PTGR1: variants seen among roughly 807,000 people sequenced by gnomAD.
The protein encoded by PTGR1 is prostaglandin reductase 1, also known as 15-oxoprostaglandin 13-reductase.
In PTGR1, 23 loss-of-function variants were observed where a neutral mutation model predicts 37.7. That is an observed-to-expected ratio of 0.61 (90% CI 0.44 to 0.86). The LOEUF is 0.86. PTGR1 is among the 40% of genes least tolerant of loss of function. The pLI is 0.00. For synonymous variants in PTGR1, 134 were observed against 140.0 expected (o/e 0.96, Z 0.30); for missense variants, 351 against 394.3 (o/e 0.89, Z 0.93).
chr9:111,554,499 G>A (rs76747252), intron 9 of PTGR1, among the ~76,000 whole-genome samples: 10,866 of 152,210 alleles, frequency 0.071, 485 homozygotes, highest in East Asian at 0.15. Flanking sequence ...ATCCATGGGG[G>A]ATATGCTCCA....
At chr9:111,552,310 A>T (rs1827990848) in intron 9 of PTGR1, among the ~76,000 whole-genome samples, 1 of 152,194 alleles carries the variant, frequency 6.6e-6, no homozygotes, top group African/African-American at 2.4e-5. Flanking sequence ...AGTTTCATAA[A>T]CTGTCAACAT....
At chr9:111,558,223 CATGGT>C (rs547051641), downstream of PTGR1, among the ~76,000 whole-genome samples, 3 of 152,214 alleles carry the variant, frequency 2.0e-5, no homozygotes, top group Non-Finnish European at 4.4e-5. Flanking sequence ...AGTACGGACT[CATGGT>C]TTCCCTTTTT....
chr9:111,574,636 T>C, intron 8 of PTGR1, 98 bp downstream of exon 8: 1 of 772,868 alleles, frequency 1.3e-6, no homozygotes, highest in Non-Finnish European at 2.0e-6. Context: ...TATGAAAATC[T>C]TTCTAATAAT....
At chr9:111,583,870 AAT>A (rs1465711686) in intron 5 of PTGR1, among the ~76,000 whole-genome samples, 1 of 152,194 alleles carries the variant, frequency 6.6e-6, no homozygotes, top group Non-Finnish European at 1.5e-5. Context: ...CAAAAGATGG[AAT>A]ATCTTTCTCA....
intron 7 of PTGR1, chr9:111,577,283 T>C (rs1180333384): frequency 6.6e-6 from 1 of 152,032 alleles, no homozygotes; most frequent in Non-Finnish European, 1.5e-5. Flanking sequence ...CCTACTAGGA[T>C]GGTTATAATA....
chr9:111,560,683 C>T (rs1234363975), downstream of PTGR1, among the ~76,000 whole-genome samples: 1 of 145,288 alleles, frequency 6.9e-6, no homozygotes. Flanking sequence ...GTGGTTCACG[C>T]GTGTAATCCC....
intron 6 of PTGR1, among the ~76,000 whole-genome samples, chr9:111,580,123 T>C (rs1452431319): frequency 6.6e-6 from 1 of 152,202 alleles, no homozygotes; most frequent in Non-Finnish European, 1.5e-5. Flanking sequence ...CTTTCACTCT[T>C]ATGACCTCCT....
chr9:111,591,757 T>C (rs1357515872), intron 4 of PTGR1, among the ~76,000 whole-genome samples: 1 of 152,142 alleles, frequency 6.6e-6, no homozygotes, highest in Non-Finnish European at 1.5e-5. Context: ...AAAAATTTTG[T>C]TTTATTTGAA....
chr9:111,555,617 A>G (rs1828100090), intron 9 of PTGR1, among the ~76,000 whole-genome samples: 2 of 152,242 alleles, frequency 1.3e-5, no homozygotes, highest in South Asian at 4.1e-4. Flanking sequence ...ACTTACAGTC[A>G]TGGCAGAAGG....
chr9:111,569,122 C>T (rs1828700233), intron 9 of PTGR1, among the ~76,000 whole-genome samples: 1 of 152,132 alleles, frequency 6.6e-6, no homozygotes, highest in Non-Finnish European at 1.5e-5. Context: ...AGATGTGTAT[C>T]AGGCATCCAG....
chr9:111,570,648 G>A lies in PTGR1; in HGVS notation c.761-439C>T, dbSNP rs538692831. Among the ~76,000 whole-genome samples the A allele has an allele frequency of 5.7e-4, 87 of 151,746 alleles. No homozygotes were observed. The South Asian group carries it at 8.0e-3, about 14-fold the overall frequency. On this transcript the variant is annotated intron_variant, in intron 8 of 9. Coordinates refer to ENST00000407693, the MANE Select transcript of PTGR1 (RefSeq NM_001146108.2). ...AAAAAAATTAGCTGGGCATGGTGGC[G>A]GGTGCCTATAGTCCCAGCTACTTGG...
chr9:111,576,859 G>C (rs1453927986), intron 7 of PTGR1: 1 of 153,156 alleles, frequency 6.5e-6, no homozygotes. Flanking sequence ...GGGAGGCCAA[G>C]GCAGGTGGAT....
chr9:111,559,588 A>G (rs1274400857), downstream of PTGR1, among the ~76,000 whole-genome samples: 1 of 132,868 alleles, frequency 7.5e-6, no homozygotes, highest in Non-Finnish European at 1.6e-5. Flanking sequence ...CAGTGTCCAC[A>G]CACACACACT....
chr9:111,586,879 G>A (rs1239409283), intron 4 of PTGR1, among the ~76,000 whole-genome samples: 2 of 150,952 alleles, frequency 1.3e-5, no homozygotes, highest in African/African-American at 4.9e-5. Flanking sequence ...GGAGTGCAGT[G>A]GTGTGATTTC....
intron 4 of PTGR1, 29 bp downstream of exon 4, chr9:111,592,897 C>T: frequency 6.6e-7 from 1 of 1,519,284 alleles, no homozygotes; most frequent in Non-Finnish European, 8.8e-7. Flanking sequence ...ACATATTTTC[C>T]AAGCACTGGG....
downstream of PTGR1, among the ~76,000 whole-genome samples, chr9:111,561,138 G>GAGAGA (rs1446000883): frequency 5.0e-5 from 1 of 20,086 alleles, no homozygotes; most frequent in Non-Finnish European, 8.8e-5. Context: ...GAGAGAGAGA[G>GAGAGA]GAGAGAGAGG....
intron 3 of PTGR1, among the ~76,000 whole-genome samples, chr9:111,593,995 C>A (rs1829700117): frequency 6.9e-6 from 1 of 144,230 alleles, no homozygotes; most frequent in Non-Finnish European, 1.5e-5. Context: ...TTGTGCAGAG[C>A]AGATAGGAGA....
intron 9 of PTGR1, among the ~76,000 whole-genome samples, chr9:111,564,617 T>A (rs1344486271): frequency 6.6e-6 from 1 of 151,968 alleles, no homozygotes; most frequent in African/African-American, 2.4e-5. Flanking sequence ...AGATTTGAAC[T>A]TTTGACTTGA....
intron 9 of PTGR1, among the ~76,000 whole-genome samples, chr9:111,567,205 T>C (rs1417449246): frequency 1.3e-5 from 2 of 152,150 alleles, no homozygotes; most frequent in East Asian, 1.9e-4. Flanking sequence ...TTTTGTTTTT[T>C]TGAGATGGAG....
Sources: gnomAD v4.1 joint callset for allele counts (sites outside exome capture counted in the v4.1 genomes callset) on GRCh38, gnomAD v4.1.1 for gene constraint, MANE v1.5 for transcripts, NCBI Gene and HGNC (gene_info 2026-07-23, HGNC 2026-07-21) for gene names.